OR11H6: variants seen among roughly 807,000 people sequenced by gnomAD.
OR11H6 encodes olfactory receptor family 11 subfamily H member 6, also known as olfactory receptor 11H6.
In OR11H6, 4 loss-of-function variants were observed where a neutral mutation model predicts 9.2. That is an observed-to-expected ratio of 0.44 (90% CI 0.21 to 1.00). OR11H6 has a LOEUF of 1.00. Ranked by LOEUF, OR11H6 falls within the 50% of genes least tolerant of loss-of-function variation. OR11H6 has a pLI of 0.26. For missense variants in OR11H6, 381 were observed against 390.9 expected (o/e 0.97, Z 0.21); for synonymous variants, 136 against 148.9 (o/e 0.91, Z 0.63).
Position 20,223,935 on chromosome 14 carries a change from C to G in OR11H6, c.226C>G (p.Pro76Ala), listed in dbSNP as rs771246887. 17 of 1,614,080 alleles carry G rather than the reference C, an allele frequency of 1.1e-5. No individual in the cohort carries two copies. The highest frequency in any genetic ancestry group is 1.4e-5 in the Non-Finnish European group (16 of 1,179,946). ...AVKLDRRLHT[P>A]MYILLGNFAF... ...GAAATTGGACAGGCGGCTCCACACA[C>G]CCATGTACATCCTTCTGGGAAACTT... Residue 76 changes from proline to alanine, a missense_variant, in exon 1 of 1, where the codon CCC becomes GCC. Pro to Ala is a conservative substitution (Grantham distance 27). Transcript: ENST00000315519.
rs1403263987 is a variant in OR11H6, at chr14:20,224,189, A to C, written c.480A>C (p.Ile160=). 3 of 1,613,826 alleles carry C rather than the reference A, an allele frequency of 1.9e-6. No individual in the cohort carries two copies. In the East Asian group the frequency reaches 6.7e-5, roughly 36 times the overall value. The change falls in exon 1 of 1, where the codon ATA becomes ATC. Residue 160 remains isoleucine (I), a synonymous_variant. Transcript: ENST00000315519. ...YPSIMTGKFC[I]ILVCVCWVGG... Reference sequence around the variant, plus strand: ...CCATCATGACTGGGAAGTTCTGTATAATTCTGGTCTGTGTATGCTGGGTAG... The same window carrying C: ...CCATCATGACTGGGAAGTTCTGTATCATTCTGGTCTGTGTATGCTGGGTAG...
chr14:20,223,875 A>C lies in OR11H6; in HGVS notation c.166A>C (p.Thr56Pro), dbSNP rs763464398. The change falls in exon 1 of 1, where the codon ACA (threonine) becomes CCA (proline). Residue 56 changes from threonine (T) to proline (P), a missense_variant. By Grantham distance (38) the Thr-to-Pro change is conservative. Transcript: ENST00000315519. ...FSFILVLYLL[T>P]LLGNGAIVCA... ...ATTCATCCTGGTTCTCTATCTCCTG[A>C]CACTGCTAGGGAATGGAGCTATTGT... The C allele has an allele frequency of 1.9e-6, 3 of 1,613,986 alleles. No individual in the cohort carries two copies. Among genetic ancestry groups the C allele is most frequent in the Non-Finnish European group, 1.7e-6 (2 of 1,180,022 alleles).
In OR11H6 at chr14:20,224,627, T is replaced by C. The variant is rs1880375966; in HGVS notation, c.918T>C (p.Leu306=). The change falls in exon 1 of 1, where the codon CTT becomes CTC. Residue 306 remains leucine (L), a synonymous_variant. Coordinates refer to ENST00000315519, the MANE Select transcript of OR11H6 (RefSeq NM_001004480.1). ...YTAMTPFLNP[L]IYSLRNKDMK... ...CAATGACTCCATTCTTAAATCCCCT[T>C]ATCTATAGTCTTCGAAACAAAGACA... is the stretch of plus-strand genomic sequence containing the variant. 3 of 1,613,944 alleles carry C rather than the reference T, an allele frequency of 1.9e-6. No homozygotes were observed. The highest frequency in any genetic ancestry group is 2.7e-5 in the African/African-American group (2 of 75,046).
rs143225754 is a variant in OR11H6, at chr14:20,224,641, G to T, written c.932G>T (p.Arg311Leu). The change falls in exon 1 of 1, where the codon CGA (arginine) becomes CTA (leucine). Residue 311 changes from arginine (R) to leucine (L), a missense_variant. Transcript: ENST00000315519. ...PFLNPLIYSL[R>L]NKDMKDALKR... ...TTAAATCCCCTTATCTATAGTCTTCGAAACAAAGACATGAAAGATGCTCTA... is the reference window on the plus strand; with the variant it reads ...TTAAATCCCCTTATCTATAGTCTTCTAAACAAAGACATGAAAGATGCTCTA... The T allele has an allele frequency of 9.6e-4, 1,549 of 1,613,560 alleles. No individual in the cohort carries two copies. The highest frequency in any genetic ancestry group is 1.2e-3 in the Non-Finnish European group (1,386 of 1,179,638).
Position 20,223,891 on chromosome 14 carries a change from G to C in OR11H6, c.182G>C (p.Gly61Ala), listed in dbSNP as rs1180008998. 1 of 1,613,968 alleles carries C rather than the reference G, an allele frequency of 6.2e-7. No individual in the cohort carries two copies. The highest frequency in any genetic ancestry group is 2.2e-5 in the East Asian group (1 of 44,890). Reference protein sequence around the residue: ...VLYLLTLLGNGAIVCAVKLDR... With the variant: ...VLYLLTLLGNAAIVCAVKLDR... The stretch of plus-strand genomic sequence containing the variant: ...TATCTCCTGACACTGCTAGGGAATG[G>C]AGCTATTGTCTGTGCAGTGAAATTG... The change falls in exon 1 of 1, where the codon GGA becomes GCA. Residue 61 changes from glycine to alanine, a missense_variant. Physicochemically the swap from Gly to Ala is moderately conservative, Grantham distance 60. Coordinates refer to ENST00000315519, the MANE Select transcript of OR11H6 (RefSeq NM_001004480.1).
rs146076639 is a variant in OR11H6 at position 20,224,194 on chromosome 14, T to C, written c.485T>C (p.Leu162Pro). Reference sequence around the variant, plus strand: ...ATGACTGGGAAGTTCTGTATAATTCTGGTCTGTGTATGCTGGGTAGGCGGA... The same window carrying C: ...ATGACTGGGAAGTTCTGTATAATTCCGGTCTGTGTATGCTGGGTAGGCGGA... ...SIMTGKFCII[L>P]VCVCWVGGFL... Residue 162 changes from leucine (L) to proline (P), a missense_variant, in exon 1 of 1, where the codon CTG becomes CCG. Transcript: ENST00000315519. The C allele has an allele frequency of 4.4e-3, 7,078 of 1,614,076 alleles. 13 individuals carry two copies. The highest frequency in any genetic ancestry group is 5.2e-3 in the Non-Finnish European group (6,083 of 1,179,970).
chr14:20,224,661 G>A lies in OR11H6; in HGVS notation c.952G>A (p.Ala318Thr), dbSNP rs1880376857. Reference protein sequence around the residue: ...YSLRNKDMKDALKRVLGLTVS... With the variant: ...YSLRNKDMKDTLKRVLGLTVS... ...TCTTCGAAACAAAGACATGAAAGATGCTCTAAAGAGAGTCCTGGGGTTAAC... is the reference window on the plus strand; with the variant it reads ...TCTTCGAAACAAAGACATGAAAGATACTCTAAAGAGAGTCCTGGGGTTAAC... The change falls in exon 1 of 1, where the codon GCT becomes ACT. Residue 318 changes from alanine to threonine, a missense_variant. Physicochemically the swap from Ala to Thr is moderately conservative, Grantham distance 58 (BLOSUM62 0). Coordinates refer to ENST00000315519, the MANE Select transcript of OR11H6 (RefSeq NM_001004480.1). 6.2e-7 allele frequency: 1 copy of A among 1,613,014 alleles called. No homozygotes were observed. The highest frequency in any genetic ancestry group is 8.5e-7 in the Non-Finnish European group (1 of 1,179,378).
chr14:20,224,122 A>G lies in OR11H6; in HGVS notation c.413A>G (p.Tyr138Cys). The G allele has an allele frequency of 6.2e-7, 1 of 1,613,754 alleles. No homozygotes were observed. Among genetic ancestry groups the G allele is most frequent in the Non-Finnish European group, 8.5e-7 (1 of 1,179,798 alleles). ...TECFFLSVMAYDRYLAICRPL... is the reference protein window; with the variant it reads ...TECFFLSVMACDRYLAICRPL... ...TGTTTCTTTTTATCAGTTATGGCTTATGATCGGTACCTGGCCATCTGTCGT... is the reference window on the plus strand; with the variant it reads ...TGTTTCTTTTTATCAGTTATGGCTTGTGATCGGTACCTGGCCATCTGTCGT... The change falls in exon 1 of 1, where the codon TAT becomes TGT. Residue 138 changes from tyrosine (Y) to cysteine (C), a missense_variant. Transcript: ENST00000315519.
Position 20,223,810 on chromosome 14 carries a change from G to T in OR11H6, c.101G>T (p.Gly34Val). The T allele has an allele frequency of 6.2e-7, 1 of 1,614,092 alleles. No homozygotes were observed. Reference sequence around the variant, plus strand: ...TTTGTGACTGAGTTTGTCCTCCTGGGTTTCCATGGTCAAAGGGAGATGCAG... The same window carrying T: ...TTTGTGACTGAGTTTGTCCTCCTGGTTTTCCATGGTCAAAGGGAGATGCAG... ...MHFVTEFVLLGFHGQREMQSC... is the reference protein window; with the variant it reads ...MHFVTEFVLLVFHGQREMQSC... Residue 34 changes from glycine (G) to valine (V), a missense_variant, in exon 1 of 1, where the codon GGT (glycine) becomes GTT (valine). Physicochemically the swap from Gly to Val is moderately radical, Grantham distance 109. Transcript: ENST00000315519.
At position 20,223,902 on chromosome 14, in the gene OR11H6, T is replaced by A; in HGVS notation, c.193T>A (p.Cys65Ser). ...LTLLGNGAIV[C>S]AVKLDRRLHT... ...ACTGCTAGGGAATGGAGCTATTGTC[T>A]GTGCAGTGAAATTGGACAGGCGGCT... is the stretch of plus-strand genomic sequence containing the variant. The change falls in exon 1 of 1, where the codon TGT (cysteine) becomes AGT (serine). Residue 65 changes from cysteine (C) to serine (S), a missense_variant. By Grantham distance (112) the Cys-to-Ser change is moderately radical. Transcript: ENST00000315519. The A allele has an allele frequency of 6.2e-7, 1 of 1,614,178 alleles. No homozygotes were observed. Among genetic ancestry groups the A allele is most frequent in the Non-Finnish European group, 8.5e-7 (1 of 1,180,040 alleles).
At position 20,224,452 on chromosome 14, in the gene OR11H6, C is replaced by T; in HGVS notation, c.743C>T (p.Ser248Phe). Residue 248 changes from serine (S) to phenylalanine (F), a missense_variant, in exon 1 of 1, where the codon TCT becomes TTT. Physicochemically the swap from Ser to Phe is radical, Grantham distance 155 (BLOSUM62 -2). Coordinates refer to ENST00000315519, the MANE Select transcript of OR11H6 (RefSeq NM_001004480.1). ...LVIRAVLCIP[S>F]GAGRTKAFST... ...ATCAGAGCTGTGCTTTGTATTCCCT[C>T]TGGTGCTGGTCGAACTAAAGCTTTC... 2 of 1,614,092 alleles carry T rather than the reference C, an allele frequency of 1.2e-6. No homozygotes were observed. The highest frequency in any genetic ancestry group is 1.3e-5 in the African/African-American group (1 of 75,042).
rs755331153 is a variant in OR11H6 at position 20,224,362 on chromosome 14, A to T, written c.653A>T (p.Tyr218Phe). ...ISAPSTELIC[Y>F]TFNSMIIFGP... ...GCTCCTTCCACTGAGCTTATCTGTT[A>T]CACCTTCAACTCGATGATTATCTTT... The change falls in exon 1 of 1, where the codon TAC (tyrosine) becomes TTC (phenylalanine). Residue 218 changes from tyrosine to phenylalanine, a missense_variant. Coordinates refer to ENST00000315519, the MANE Select transcript of OR11H6 (RefSeq NM_001004480.1). 4 of 1,613,900 alleles carry T rather than the reference A, an allele frequency of 2.5e-6. No homozygotes were observed. The highest frequency in any genetic ancestry group is 1.6e-4 in the Middle Eastern group (1 of 6,084).
Position 20,223,941 on chromosome 14 carries a change from T to C in OR11H6, c.232T>C (p.Tyr78His). The C allele has an allele frequency of 3.1e-6, 5 of 1,614,170 alleles. No individual in the cohort carries two copies. The Admixed American group carries it at 6.7e-5, about 22-fold the overall frequency. Reference sequence around the variant, plus strand: ...GGACAGGCGGCTCCACACACCCATGTACATCCTTCTGGGAAACTTTGCCTT... The same window carrying C: ...GGACAGGCGGCTCCACACACCCATGCACATCCTTCTGGGAAACTTTGCCTT... Reference protein sequence around the residue: ...KLDRRLHTPMYILLGNFAFLE... With the variant: ...KLDRRLHTPMHILLGNFAFLE... The change falls in exon 1 of 1, where the codon TAC becomes CAC. Residue 78 changes from tyrosine to histidine, a missense_variant. Transcript: ENST00000315519.
Position 20,224,153 on chromosome 14 carries a change from A to G in OR11H6, c.444A>G (p.Leu148=), listed in dbSNP as rs779333807. 2.2e-5 allele frequency: 35 copies of G among 1,613,620 alleles called. No homozygotes were observed. The Admixed American group carries it at 5.8e-4, about 27-fold the overall frequency. The change falls in exon 1 of 1, where the codon TTA becomes TTG. Residue 148 remains leucine (L), a synonymous_variant. Coordinates refer to ENST00000315519, the MANE Select transcript of OR11H6 (RefSeq NM_001004480.1). ...GGTACCTGGCCATCTGTCGTCCATT[A>G]CACTACCCCTCCATCATGACTGGGA... The part of the protein sequence containing the change: ...YDRYLAICRP[L]HYPSIMTGKF...
In OR11H6 at chr14:20,223,887, A is replaced by T. The variant is rs1233228868; in HGVS notation, c.178A>T (p.Asn60Tyr). The T allele has an allele frequency of 1.9e-6, 3 of 1,613,964 alleles. No individual in the cohort carries two copies. The African/African-American group carries it at 4.0e-5, about 22-fold the overall frequency. ...LVLYLLTLLG[N>Y]GAIVCAVKLD... is the part of the protein sequence containing the mutation. ...TCTCTATCTCCTGACACTGCTAGGG[A>T]ATGGAGCTATTGTCTGTGCAGTGAA... The change falls in exon 1 of 1, where the codon AAT (asparagine) becomes TAT (tyrosine). Residue 60 changes from asparagine to tyrosine, a missense_variant. Transcript: ENST00000315519.
In OR11H6 at chr14:20,224,290, A is replaced by C; in HGVS notation, c.581A>C (p.His194Pro). The change falls in exon 1 of 1, where the codon CAC becomes CCC. Residue 194 changes from histidine to proline, a missense_variant. By Grantham distance (77) the His-to-Pro change is moderately conservative. Coordinates refer to ENST00000315519, the MANE Select transcript of OR11H6 (RefSeq NM_001004480.1). Reference protein sequence around the residue: ...LPFCGPNIIDHLVCDPGPLFA... With the variant: ...LPFCGPNIIDPLVCDPGPLFA... ...TTCTGTGGGCCCAACATCATTGACC[A>C]CTTGGTGTGTGACCCAGGCCCATTG... The C allele has an allele frequency of 6.2e-7, 1 of 1,613,778 alleles. No homozygotes were observed. Among genetic ancestry groups the C allele is most frequent in the Non-Finnish European group, 8.5e-7 (1 of 1,179,908 alleles).
At position 20,224,590 on chromosome 14, in the gene OR11H6, T is replaced by C. The variant is rs1880374889; in HGVS notation, c.881T>C (p.Leu294Pro). 2 of 1,614,024 alleles carry C rather than the reference T, an allele frequency of 1.2e-6. No homozygotes were observed. Among genetic ancestry groups the C allele is most frequent in the Admixed American group, 3.3e-5 (2 of 59,998 alleles). ...NPAGMQKIIT[L>P]VYTAMTPFLN... Reference sequence around the variant, plus strand: ...GCAGGAATGCAGAAGATCATCACTCTGGTATACACAGCAATGACTCCATTC... The same window carrying C: ...GCAGGAATGCAGAAGATCATCACTCCGGTATACACAGCAATGACTCCATTC... Residue 294 changes from leucine (L) to proline (P), a missense_variant, in exon 1 of 1, where the codon CTG becomes CCG. Transcript: ENST00000315519.
At position 20,223,803 on chromosome 14, in the gene OR11H6, C is replaced by T; in HGVS notation, c.94C>T (p.Leu32Phe). 1.9e-6 allele frequency: 3 copies of T among 1,613,966 alleles called. No homozygotes were observed. Among genetic ancestry groups the T allele is most frequent in the South Asian group, 1.1e-5 (1 of 91,084 alleles). ...AATGCATTTTGTGACTGAGTTTGTCCTCCTGGGTTTCCATGGTCAAAGGGA... is the reference window on the plus strand; with the variant it reads ...AATGCATTTTGTGACTGAGTTTGTCTTCCTGGGTTTCCATGGTCAAAGGGA... Reference protein sequence around the residue: ...RTMHFVTEFVLLGFHGQREMQ... With the variant: ...RTMHFVTEFVFLGFHGQREMQ... The change falls in exon 1 of 1, where the codon CTC becomes TTC. Residue 32 changes from leucine (L) to phenylalanine (F), a missense_variant. Physicochemically the swap from Leu to Phe is conservative, Grantham distance 22. Transcript: ENST00000315519.
Position 20,223,838 on chromosome 14 carries a change from C to G in OR11H6, c.129C>G (p.Ser43Arg). 1 of 1,614,112 alleles carries G rather than the reference C, an allele frequency of 6.2e-7. No homozygotes were observed. The highest frequency in any genetic ancestry group is 8.5e-7 in the Non-Finnish European group (1 of 1,179,960). Residue 43 changes from serine (S) to arginine (R), a missense_variant, in exon 1 of 1, where the codon AGC (serine) becomes AGG (arginine). By Grantham distance (110) the Ser-to-Arg change is moderately radical. Transcript: ENST00000315519. ...LGFHGQREMQ[S>R]CFFSFILVLY... The stretch of plus-strand genomic sequence containing the variant: ...TCCATGGTCAAAGGGAGATGCAGAG[C>G]TGCTTCTTCTCATTCATCCTGGTTC...
Sources: allele counts gnomAD v4.1 joint callset, GRCh38; gene constraint gnomAD v4.1.1; transcripts MANE v1.5; gene names NCBI Gene and HGNC (gene_info 2026-07-23, HGNC 2026-07-21).